Variants in MYO6 observed in about 807,000 individuals in gnomAD.
The protein encoded by MYO6 is unconventional myosin-VI.
MYO6 carries 74 observed loss-of-function variants against 178.7 expected under a neutral mutation model. The observed-to-expected ratio is 0.41, with a 90% CI of 0.34 to 0.50. The LOEUF (loss-of-function observed/expected upper bound fraction) is 0.50. MYO6 is among the 20% of genes least tolerant of loss of function. The probability of loss-of-function intolerance (pLI) is 0.09; values close to 1 mark genes in which losing one functional copy is unlikely to be tolerated. For synonymous variants in MYO6, 477 were observed against 504.6 expected, an observed-to-expected ratio of 0.95 and a Z score of 0.73; for missense variants, 1,330 against 1,547.4, an observed-to-expected ratio of 0.86 and a Z score of 2.36.
chr6:75,777,140 C>T (rs1278454565), intron 1 of MYO6, among the ~76,000 whole-genome samples: 1 of 152,102 alleles, frequency 6.6e-6, no homozygotes, highest in East Asian at 1.9e-4. Flanking sequence ...CTCAATGTGG[C>T]AGGTTTTTAA....
intron 1 of MYO6, among the ~76,000 whole-genome samples, chr6:75,761,929 C>T (rs1347430799): frequency 1.3e-5 from 2 of 151,258 alleles, no homozygotes; most frequent in African/African-American, 2.4e-5. Flanking sequence ...ATAATTGTAA[C>T]AGTTCTTTTT....
At chr6:75,855,107 T>G (rs1466688667) in intron 11 of MYO6, 32 bp from the exon 12 acceptor site, 7 of 1,530,806 alleles carry the variant, frequency 4.6e-6, no homozygotes, top group Non-Finnish European at 6.3e-6. Flanking sequence ...ATATAATACT[T>G]ATTAATTTCA....
At chr6:75,856,835 A>G (rs1426703778) in intron 12 of MYO6, among the ~76,000 whole-genome samples, 2 of 152,182 alleles carry the variant, frequency 1.3e-5, no homozygotes, top group East Asian at 3.8e-4. Context: ...GTATGTATTC[A>G]GGATGTAAAT....
chr6:75,802,472 AAAAAAAATTT>A (rs796689609), intron 1 of MYO6, among the ~76,000 whole-genome samples: 5,048 of 111,058 alleles, frequency 0.045, 195 homozygotes, highest in East Asian at 0.17. Context: ...CAGTATCAAA[AAAAAAAATTT>A]TTTTTTTTTT....
At chr6:75,830,106 C>T (rs893511554) in intron 4 of MYO6, among the ~76,000 whole-genome samples, 5 of 152,110 alleles carry the variant, frequency 3.3e-5, no homozygotes, top group East Asian at 1.9e-4. Context: ...TGCCATGTCC[C>T]TGAGGAAGCA....
At chr6:75,914,679 A>C in intron 34 of MYO6, 134 bp from the exon 35 acceptor site, 2 of 850,906 alleles carry the variant, frequency 2.4e-6, no homozygotes, top group Non-Finnish European at 3.7e-6. Flanking sequence ...TTTATTAAGC[A>C]GATTTCCATC....
intron 20 of MYO6, among the ~76,000 whole-genome samples, chr6:75,875,367 C>G (rs1777493227): frequency 6.6e-6 from 1 of 152,292 alleles, no homozygotes; most frequent in African/African-American, 2.4e-5. Context: ...CTCAACCTCC[C>G]AGGCTCAAGT....
At chr6:75,891,492 C>T (rs1778902411) in intron 27 of MYO6, among the ~76,000 whole-genome samples, 186 bp downstream of exon 27, 1 of 151,996 alleles carries the variant, frequency 6.6e-6, no homozygotes, top group Non-Finnish European at 1.5e-5. Flanking sequence ...ATTAGCCGGA[C>T]ATGGTGGTGG....
chr6:75,782,869 A>G (rs1314889125), intron 1 of MYO6, among the ~76,000 whole-genome samples: 1 of 151,764 alleles, frequency 6.6e-6, no homozygotes, highest in Non-Finnish European at 1.5e-5. Context: ...TCACAAAAGA[A>G]CAAGTGATAG....
chr6:75,855,043 G>T (rs892165188), intron 11 of MYO6, 96 bp from the exon 12 acceptor site: 3 of 1,126,342 alleles, frequency 2.7e-6, no homozygotes, highest in Admixed American at 2.1e-5. Flanking sequence ...CCTATTATAT[G>T]GTTTTTTGTA....
At chr6:75,792,619 T>G (rs1269419937) in intron 1 of MYO6, among the ~76,000 whole-genome samples, 1 of 152,142 alleles carries the variant, frequency 6.6e-6, no homozygotes, top group African/African-American at 2.4e-5. Flanking sequence ...AATTACTTTT[T>G]TTTTTGTGGG....
intron 28 of MYO6, chr6:75,894,826 T>G (rs1454299340): frequency 6.6e-7 from 1 of 1,521,734 alleles, no homozygotes; most frequent in Non-Finnish European, 8.9e-7. Context: ...TGGATTCCTA[T>G]CCGGTAACTT....
chr6:75,831,080 C>T (rs1773028370), intron 5 of MYO6, among the ~76,000 whole-genome samples: 1 of 152,168 alleles, frequency 6.6e-6, no homozygotes, highest in Admixed American at 6.6e-5. Flanking sequence ...TGTGGGAAGA[C>T]AGTAGTGTCT....
intron 14 of MYO6, 115 bp from the exon 15 acceptor site, chr6:75,860,908 A>AC: frequency 3.7e-6 from 3 of 814,722 alleles, no homozygotes; most frequent in Non-Finnish European, 6.3e-6. Context: ...TTAAGGCTAT[A>AC]CCAGTTTGTA....
At chr6:75,880,987 C>T (rs1777972209) in intron 22 of MYO6, among the ~76,000 whole-genome samples, 1 of 152,216 alleles carries the variant, frequency 6.6e-6, no homozygotes, top group Non-Finnish European at 1.5e-5. Flanking sequence ...CGCTGTGGCT[C>T]ACGCCTATAA....
At chr6:75,911,598 A>G (rs1780758251) in intron 32 of MYO6, 74 bp from the exon 33 acceptor site, 1 of 1,338,834 alleles carries the variant, frequency 7.5e-7, no homozygotes, top group Non-Finnish European at 1.1e-6. Flanking sequence ...GGAAGGCTTT[A>G]TAAATTAGAA....
intron 16 of MYO6, among the ~76,000 whole-genome samples, chr6:75,863,128 C>T (rs1305807982): frequency 6.6e-6 from 1 of 152,092 alleles, no homozygotes; most frequent in South Asian, 2.1e-4. Flanking sequence ...CTGCTGTCTT[C>T]ATGGTCTCCC....
rs752568854 is a variant in MYO6 at position 75,914,137 on chromosome 6, C to T, written c.3514C>T (p.Arg1172Cys). ...IEMNRQQRFF[R>C]IPFIRPADQY... The stretch of plus-strand genomic sequence containing the variant: ...AATGAACCGACAGCAACGCTTCTTC[C>T]GCATCCCATTCATCCGCCCTGCCGA... The change falls in exon 34 of 35, where the codon CGC becomes TGC. Residue 1172 changes from arginine to cysteine, a missense_variant. Transcript: ENST00000369977. The T allele has an allele frequency of 2.1e-5, 34 of 1,614,108 alleles. No individual in the cohort carries two copies. In the Middle Eastern group the frequency reaches 6.6e-4, roughly 31 times the overall value.
At chr6:75,786,137 G>A (rs1767543589) in intron 1 of MYO6, among the ~76,000 whole-genome samples, 1 of 152,038 alleles carries the variant, frequency 6.6e-6, no homozygotes, top group South Asian at 2.1e-4. Flanking sequence ...ATGTTGGCCA[G>A]GCTGGTCTCA....
Sources: allele counts gnomAD v4.1 joint callset (sites outside exome capture counted in the v4.1 genomes callset), GRCh38; gene constraint gnomAD v4.1.1; transcripts MANE v1.5; gene names NCBI Gene and HGNC (gene_info 2026-07-23, HGNC 2026-07-21).